The following FREM3 variants were observed in gnomAD, a reference collection of about 807,000 sequenced individuals.
FREM3 encodes the protein FRAS1-related extracellular matrix protein 3.
Under a neutral mutation model 129.1 loss-of-function variants are expected in FREM3, and 105 were observed. That is an observed-to-expected ratio of 0.81 (90% CI 0.69 to 0.96). FREM3 has a LOEUF of 0.96. FREM3 is among the 40% of genes least tolerant of loss of function. FREM3 has a pLI of 0.00. For synonymous variants in FREM3, 1,014 were observed against 1,044.9 expected (o/e 0.97, Z 0.57); for missense variants, 2,593 against 2,666.3 (o/e 0.97, Z 0.61).
Position 143,697,964 on chromosome 4 carries a change from A to T in FREM3, c.2712T>A (p.His904Gln), listed in dbSNP as rs1173291068. 4 of 1,537,530 alleles carry T rather than the reference A, an allele frequency of 2.6e-6. No homozygotes were observed. Among genetic ancestry groups the T allele is most frequent in the East Asian group, 2.4e-5 (1 of 40,928 alleles). Residue 904 changes from histidine (H) to glutamine (Q), a missense_variant, in exon 1 of 8, where the codon CAT (histidine) becomes CAA (glutamine). Physicochemically the swap from His to Gln is conservative, Grantham distance 24 (BLOSUM62 0). Coordinates refer to ENST00000329798, the MANE Select transcript of FREM3 (RefSeq NM_001168235.2). ...CACTGGTAGTCGTCTGGTCTCTGCC[A>T]TGCTGGTAAGAGACACTCCCGTTAA... ...DVINGSVSYQ[H>Q]GRDQTTTSDT...
At position 143,699,679 on chromosome 4, in the gene FREM3, C is replaced by T. The variant is rs1033927731; in HGVS notation, c.997G>A (p.Glu333Lys). ...TCACCAGGGTCTGACTCGACGTCCT[C>T]CGCGGCCAGTGCGTCAGGCGTCAGG... ...TALTPDALAA[E>K]DVESDPGDLV... The change falls in exon 1 of 8, where the codon GAG (glutamate) becomes AAG (lysine). Residue 333 changes from glutamate (E) to lysine (K), a missense_variant. Glu to Lys is a moderately conservative substitution (Grantham distance 56, BLOSUM62 1). Transcript: ENST00000329798. This position sits in a 1 kb window ranked among gnomAD's most constrained non-coding sequence, Gnocchi z 4.2. 1.6e-5 allele frequency: 24 copies of T among 1,527,316 alleles called. No homozygotes were observed. Among genetic ancestry groups the T allele is most frequent in the Non-Finnish European group, 2.1e-5 (24 of 1,141,264 alleles). The allele number at this position is 1,527,316 out of a possible 1,614,324, so 94.6% of individuals were successfully genotyped here.
intron 2 of FREM3, among the ~76,000 whole-genome samples, chr4:143,676,931 T>C (rs1161188779): frequency 1.3e-5 from 2 of 152,172 alleles, no homozygotes; most frequent in Non-Finnish European, 2.9e-5. Flanking sequence ...TGGTCATGAA[T>C]AGGAAGAATT....
intron 7 of FREM3, among the ~76,000 whole-genome samples, chr4:143,581,385 T>TC (rs928689931): frequency 1.3e-4 from 19 of 149,262 alleles, no homozygotes; most frequent in Middle Eastern, 3.6e-3. Context: ...CACTGACACC[T>TC]CCGGCATGGC....
At chr4:143,694,703 G>A (rs923565429) in intron 1 of FREM3, among the ~76,000 whole-genome samples, 3 of 152,144 alleles carry the variant, frequency 2.0e-5, no homozygotes, top group African/African-American at 7.2e-5. Context: ...TGTTACATAG[G>A]TATACACGTG....
intron 7 of FREM3, among the ~76,000 whole-genome samples, chr4:143,581,191 C>T (rs150192813): frequency 6.6e-6 from 1 of 152,190 alleles, no homozygotes; most frequent in Non-Finnish European, 1.5e-5. Flanking sequence ...CTGGGTAGGG[C>T]CTCTTGATCT....
At chr4:143,630,417 T>A (rs1739115947) in intron 2 of FREM3, among the ~76,000 whole-genome samples, 1 of 152,182 alleles carries the variant, frequency 6.6e-6, no homozygotes, top group African/African-American at 2.4e-5. Context: ...TATTTTAACA[T>A]TTTTCTTTTT....
chr4:143,640,822 A>G (rs1476261538), intron 2 of FREM3, among the ~76,000 whole-genome samples: 1 of 152,162 alleles, frequency 6.6e-6, no homozygotes, highest in East Asian at 1.9e-4. Context: ...TCTTTAAGTT[A>G]TGAGGGTCTT....
chr4:143,693,267 C>T (rs2149863021), intron 1 of FREM3, 65 bp from the exon 2 acceptor site: 2 of 739,514 alleles, frequency 2.7e-6, no homozygotes, highest in African/African-American at 1.8e-5. Context: ...ATGTTAACAA[C>T]TTCAAAGTTT....
chr4:143,604,236 A>C (rs1324089302), intron 6 of FREM3, among the ~76,000 whole-genome samples: 2 of 152,108 alleles, frequency 1.3e-5, no homozygotes, highest in East Asian at 1.9e-4. Flanking sequence ...TGCTGGCACC[A>C]TGTTTCCTAT....
At chr4:143,620,547 G>A (rs756132859) in intron 5 of FREM3, among the ~76,000 whole-genome samples, 18 of 152,316 alleles carry the variant, frequency 1.2e-4, no homozygotes, top group Non-Finnish European at 2.4e-4. Context: ...TTTTCGGTGC[G>A]AAGATGCCTG....
At position 143,577,798 on chromosome 4, in the gene FREM3, C is replaced by T. The variant is rs768124562; in HGVS notation, c.6233G>A (p.Arg2078His). 1.3e-4 allele frequency: 202 copies of T among 1,537,184 alleles called. No individual in the cohort carries two copies. The highest frequency in any genetic ancestry group is 1.6e-4 in the Non-Finnish European group (180 of 1,146,914). ...SRNLDFAPGV[R>H]MQTFQVTILD... ...GATGGTCACTTGGAATGTCTGCATG[C>T]GCACGCCTGGAGCAAAGTCCAGGTT... The change falls in exon 8 of 8, where the codon CGC becomes CAC. Residue 2078 changes from arginine to histidine, a missense_variant. Coordinates refer to ENST00000329798, the MANE Select transcript of FREM3 (RefSeq NM_001168235.2).
intron 5 of FREM3, among the ~76,000 whole-genome samples, chr4:143,618,981 C>A (rs954432007): frequency 2.6e-5 from 4 of 152,140 alleles, no homozygotes; most frequent in African/African-American, 9.7e-5. Flanking sequence ...TAACTAAACT[C>A]CCACTAGCTT....
intron 6 of FREM3, among the ~76,000 whole-genome samples, chr4:143,600,590 T>C (rs191645850): frequency 8.5e-5 from 13 of 152,330 alleles, no homozygotes; most frequent in Admixed American, 7.2e-4. Context: ...TATAATATGC[T>C]GTCAGCATAA....
At position 143,626,699 on chromosome 4, in the gene FREM3, G is replaced by T. The variant is rs112454770; in HGVS notation, c.5422+915C>A. On this transcript the variant is annotated intron_variant, in intron 3 of 7. Transcript: ENST00000329798. Reference sequence around the variant, plus strand: ...CACCCAGAAGTCAGGGTGCTCTTTGGCTGACCCCTTCTCCTAGGAGAACAG... The same window carrying T: ...CACCCAGAAGTCAGGGTGCTCTTTGTCTGACCCCTTCTCCTAGGAGAACAG... Among the ~76,000 whole-genome samples the T allele has an allele frequency of 3.6e-3, 541 of 152,162 alleles. 1 individual carries two copies. The highest frequency in any genetic ancestry group is 0.013 in the African/African-American group (525 of 41,534).
At chr4:143,622,480 A>G (rs1738968842) in intron 4 of FREM3, among the ~76,000 whole-genome samples, 1 of 143,012 alleles carries the variant, frequency 7.0e-6, no homozygotes, top group African/African-American at 2.6e-5. Context: ...TTATCTAGCT[A>G]TTGTATATTA....
At chr4:143,689,890 G>C (rs1330676126) in intron 2 of FREM3, among the ~76,000 whole-genome samples, 6 of 138,406 alleles carry the variant, frequency 4.3e-5, no homozygotes, top group Non-Finnish European at 9.3e-5. Context: ...GGGGAAGAGT[G>C]GGAGGGGGGC....
chr4:143,663,819 C>G (rs957233776), intron 2 of FREM3, among the ~76,000 whole-genome samples: 1 of 152,042 alleles, frequency 6.6e-6, no homozygotes, highest in African/African-American at 2.4e-5. Context: ...TCCCTTCTCG[C>G]TTCATTTCAT....
chr4:143,684,094 G>A (rs1173602425), intron 2 of FREM3, among the ~76,000 whole-genome samples: 1 of 152,076 alleles, frequency 6.6e-6, no homozygotes, highest in South Asian at 2.1e-4. Context: ...AAGACAAAGG[G>A]CATATAATCT....
At chr4:143,598,152 G>T (rs1339729753) in intron 6 of FREM3, among the ~76,000 whole-genome samples, 1 of 152,170 alleles carries the variant, frequency 6.6e-6, no homozygotes, top group Non-Finnish European at 1.5e-5. Context: ...TAAATTTGGG[G>T]GAGACACAAA....
Sources: allele counts gnomAD v4.1 joint callset (sites outside exome capture counted in the v4.1 genomes callset), GRCh38; gene constraint gnomAD v4.1.1; non-coding constraint Gnocchi (gnomAD v3.1); transcripts MANE v1.5; gene names NCBI Gene and HGNC (gene_info 2026-07-23, HGNC 2026-07-21).